CAMK1: variants seen among roughly 807,000 people sequenced by gnomAD.
CAMK1 encodes the protein calcium/calmodulin dependent protein kinase I.
Under a neutral mutation model 49.1 loss-of-function variants are expected in CAMK1, and 39 were observed. That is an observed-to-expected ratio of 0.79 (90% CI 0.62 to 1.04). The LOEUF (loss-of-function observed/expected upper bound fraction) is 1.04, where lower values mean the gene tolerates loss of function less well. CAMK1 is among the 50% of genes least tolerant of loss of function. CAMK1 has a pLI of 0.00. For synonymous variants in CAMK1, 192 were observed against 185.2 expected (o/e 1.04, Z -0.30); for missense variants, 457 against 472.2 (o/e 0.97, Z 0.30).
At chr3:9,766,462 C>T in intron 2 of CAMK1, 3 of 413,016 alleles carry the variant, frequency 7.3e-6, no homozygotes, top group Non-Finnish European at 1.3e-5. Flanking sequence ...AAAATCTCTA[C>T]TGCTTTGGAT....
intron 2 of CAMK1, chr3:9,766,265 A>C (rs1050995339): frequency 2.8e-6 from 2 of 705,704 alleles, no homozygotes; most frequent in Admixed American, 4.0e-5. Context: ...GAAATGGCCA[A>C]ATATATTTCC....
intron 7 of CAMK1, 37 bp from the exon 8 acceptor site, chr3:9,760,805 G>A (rs1575229673): frequency 5.0e-6 from 8 of 1,612,372 alleles, no homozygotes; most frequent in East Asian, 4.5e-5. Context: ...TTCCACTTTC[G>A]GGTGCCGTTG....
intron 3 of CAMK1, among the ~76,000 whole-genome samples, chr3:9,764,737 A>G (rs867745653): frequency 2.1e-5 from 3 of 146,148 alleles, no homozygotes; most frequent in African/African-American, 7.6e-5. Context: ...GGTTTAAGCA[A>G]TTCTCCTGCC....
At chr3:9,760,086 C>CA (rs35548060) in intron 8 of CAMK1, 23,616 of 220,260 alleles carry the variant, frequency 0.11, 1,914 homozygotes, top group Non-Finnish European at 0.16. Context: ...ACTAAAAATA[C>CA]AAAAAAAATT....
At chr3:9,758,008 T>A in intron 10 of CAMK1, 162 bp from the exon 11 acceptor site, 1 of 1,157,376 alleles carries the variant, frequency 8.6e-7, no homozygotes, top group Non-Finnish European at 1.2e-6. Context: ...TACAAGGCTT[T>A]ATTATATATT....
intron 1 of CAMK1, among the ~76,000 whole-genome samples, chr3:9,768,038 C>T (rs376180251): frequency 6.6e-6 from 1 of 152,204 alleles, no homozygotes; most frequent in African/African-American, 2.4e-5. Context: ...TTCTAGTTCT[C>T]TTCCCAGTTT....
chr3:9,761,714 A>G lies in CAMK1; in HGVS notation c.473T>C (p.Ile158Thr). 2.5e-6 allele frequency: 4 copies of G among 1,614,122 alleles called. No individual in the cohort carries two copies. Among genetic ancestry groups the G allele is most frequent in the Non-Finnish European group, 3.4e-6 (4 of 1,180,012 alleles). ...GGAGAGGCCAAAGTCGGAGATCATG[A>G]TTTTGGAGTCTTCATCCAGGCTGTA... ...LYYSLDEDSK[I>T]MISDFGLSKM... Residue 158 changes from isoleucine (I) to threonine (T), a missense_variant, in exon 6 of 12, where the codon ATC (isoleucine) becomes ACC (threonine). By Grantham distance (89) the Ile-to-Thr change is moderately conservative. Coordinates refer to ENST00000256460, the MANE Select transcript of CAMK1 (RefSeq NM_003656.5).
intron 5 of CAMK1, 79 bp from the exon 6 acceptor site, chr3:9,761,836 T>G: frequency 6.4e-7 from 1 of 1,554,758 alleles, no homozygotes; most frequent in Non-Finnish European, 8.7e-7. Flanking sequence ...TCCAAGCACC[T>G]TCTGAGAAAT....
chr3:9,761,350 G>C, intron 7 of CAMK1, 111 bp downstream of exon 7: 1 of 1,070,312 alleles, frequency 9.3e-7, no homozygotes. Flanking sequence ...GTGGAAGGAA[G>C]GGAGGGAGGG....
rs977367096 is a variant in CAMK1 at position 9,767,569 on chromosome 3, G to A, written c.83+98C>T. 2.7e-6 allele frequency: 4 copies of A among 1,495,636 alleles called. No homozygotes were observed. In the African/African-American group the frequency reaches 4.1e-5, roughly 15 times the overall value. The allele number at this position is 1,495,636 out of a possible 1,614,324, so 92.6% of individuals were successfully genotyped here. On this transcript the variant is annotated intron_variant, in intron 2 of 11. Transcript: ENST00000256460. ...CTAGATAGTGCTGCCACAGGGCCTG[G>A]GCTGTGGGAAACAGGAAGCATTAAT...
At position 9,761,141 on chromosome 3, in the gene CAMK1, A is replaced by G. The variant is rs189542195; in HGVS notation, c.632+320T>C. 369 of 333,388 alleles carry G rather than the reference A, an allele frequency of 1.1e-3. 3 individuals carry two copies. The highest frequency in any genetic ancestry group is 9.7e-3 in the Admixed American group (216 of 22,354). The allele number at this position is 333,388 out of a possible 1,614,324, so 20.7% of individuals were successfully genotyped here. Reference sequence around the variant, plus strand: ...TTCCTGCTTGGTTTTTCTCCACAGTATTTATTTTTATCACCTGACGTCAGT... The same window carrying G: ...TTCCTGCTTGGTTTTTCTCCACAGTGTTTATTTTTATCACCTGACGTCAGT... On this transcript the variant is annotated intron_variant, in intron 7 of 11. Transcript: ENST00000256460.
chr3:9,767,550 A>G (rs967610805), intron 2 of CAMK1, 117 bp downstream of exon 2: 13 of 1,326,640 alleles, frequency 9.8e-6, no homozygotes, highest in Admixed American at 1.9e-5. Flanking sequence ...GGCCCTAGAT[A>G]GTGCTGCCAC....
At chr3:9,769,026 C>CA (rs2078233480) in intron 1 of CAMK1, among the ~76,000 whole-genome samples, 1 of 152,036 alleles carries the variant, frequency 6.6e-6, no homozygotes, top group African/African-American at 2.4e-5. Flanking sequence ...GCCCTGAACT[C>CA]AAACACCTGC....
At chr3:9,763,719 C>G (rs932233262) in intron 3 of CAMK1, among the ~76,000 whole-genome samples, 2 of 152,198 alleles carry the variant, frequency 1.3e-5, no homozygotes, top group African/African-American at 4.8e-5. Context: ...GGCACAGAGA[C>G]TCACACCTGT....
At chr3:9,766,929 C>G (rs1223266929) in intron 2 of CAMK1, among the ~76,000 whole-genome samples, 1 of 152,152 alleles carries the variant, frequency 6.6e-6, no homozygotes, top group Admixed American at 6.5e-5. Context: ...TCCAGCCTCC[C>G]TGGCCTGGCT....
chr3:9,761,104 C>T, intron 7 of CAMK1: 1 of 348,844 alleles, frequency 2.9e-6, no homozygotes, highest in Non-Finnish European at 5.3e-6. Context: ...ATGGCATCAC[C>T]CCGTCTCCCT....
intron 2 of CAMK1, 90 bp downstream of exon 2, chr3:9,767,577 G>A (rs1212092448): frequency 3.9e-6 from 6 of 1,544,314 alleles, no homozygotes; most frequent in Non-Finnish European, 4.5e-6. Flanking sequence ...TGGGCTGTGG[G>A]AAACAGGAAG....
intron 3 of CAMK1, 52 bp downstream of exon 3, chr3:9,765,707 G>A: frequency 6.3e-7 from 1 of 1,594,528 alleles, no homozygotes; most frequent in Admixed American, 1.7e-5. Flanking sequence ...AGGAGGATGG[G>A]AGGGCCAAGG....
rs780569645 is a variant in CAMK1, at chr3:9,761,675, G to A, written c.512C>T (p.Pro171Leu). 1.6e-5 allele frequency: 26 copies of A among 1,614,000 alleles called. No homozygotes were observed. The highest frequency in any genetic ancestry group is 1.4e-4 in the South Asian group (13 of 91,080). Residue 171 changes from proline to leucine, a missense_variant, in exon 6 of 12, where the codon CCG becomes CTG. By Grantham distance (98) the Pro-to-Leu change is moderately conservative. Transcript: ENST00000256460. The stretch of plus-strand genomic sequence containing the variant: ...ACAGGCGGTGGAGAGCACACTGCCC[G>A]GGTCCTCCATCTTGGAGAGGCCAAA... ...SDFGLSKMEDPGSVLSTACGT... is the reference protein window; with the variant it reads ...SDFGLSKMEDLGSVLSTACGT...
Sources: gnomAD v4.1 joint callset for allele counts (sites outside exome capture counted in the v4.1 genomes callset) on GRCh38, gnomAD v4.1.1 for gene constraint, MANE v1.5 for transcripts, NCBI Gene and HGNC (gene_info 2026-07-23, HGNC 2026-07-21) for gene names.